SDK1: variants seen among roughly 807,000 people sequenced by gnomAD.
The protein encoded by SDK1 is sidekick cell adhesion molecule 1.
Under a neutral mutation model 245.5 loss-of-function variants are expected in SDK1, and 157 were observed. The observed-to-expected ratio is 0.64, with a 90% CI of 0.56 to 0.73. SDK1 has a LOEUF of 0.73. SDK1 is among the 30% of genes least tolerant of loss of function. The pLI, the probability that SDK1 is intolerant of heterozygous loss-of-function variation, is 0.00. For missense variants in SDK1, 3,583 were observed against 3,002.3 expected (o/e 1.19, Z -4.52); for synonymous variants, 1,647 against 1,278.5 (o/e 1.29, Z -6.15).
At chr7:3,576,470 A>T (rs556774077) in intron 1 of SDK1, among the ~76,000 whole-genome samples, 1 of 152,188 alleles carries the variant, frequency 6.6e-6, no homozygotes, top group Non-Finnish European at 1.5e-5. Flanking sequence ...CCCCGTTTGC[A>T]GTGGTCCAGT....
intron 1 of SDK1, among the ~76,000 whole-genome samples, chr7:3,565,021 G>A (rs1331897639): frequency 6.6e-6 from 1 of 152,058 alleles, no homozygotes; most frequent in Non-Finnish European, 1.5e-5. Context: ...AAGCGTTGGA[G>A]AAGCAGTTTT....
chr7:4,167,302 G>C (rs1781557276), intron 32 of SDK1, among the ~76,000 whole-genome samples: 1 of 152,090 alleles, frequency 6.6e-6, no homozygotes. Context: ...TAGGAGAATT[G>C]CTTGAACCCG....
At chr7:3,552,830 T>C (rs1394174242) in intron 1 of SDK1, among the ~76,000 whole-genome samples, 1 of 152,222 alleles carries the variant, frequency 6.6e-6, no homozygotes, top group African/African-American at 2.4e-5. Context: ...TACTCTGATG[T>C]TCAATAAATT....
chr7:3,773,592 T>C (rs547064103), intron 4 of SDK1, among the ~76,000 whole-genome samples: 14 of 152,310 alleles, frequency 9.2e-5, no homozygotes, highest in African/African-American at 3.4e-4. Context: ...TACTTTCTTA[T>C]TTCTTTGTAT....
Position 4,049,482 on chromosome 7 carries a change from G to A in SDK1, c.2718+19G>A. ...ATACAAGGTACGTGGCCTGGGTTCA[G>A]GGCCTGTGGGCAGCTGTCATTGTCT... On this transcript the variant is annotated intron_variant, in intron 18 of 44. Coordinates refer to ENST00000404826, the MANE Select transcript of SDK1 (RefSeq NM_152744.4). The A allele has an allele frequency of 6.4e-7, 1 of 1,563,524 alleles. No homozygotes were observed. The highest frequency in any genetic ancestry group is 8.8e-7 in the Non-Finnish European group (1 of 1,133,900).
At chr7:3,432,764 A>T (rs544721031) in intron 1 of SDK1, among the ~76,000 whole-genome samples, 1 of 152,152 alleles carries the variant, frequency 6.6e-6, no homozygotes, top group Non-Finnish European at 1.5e-5. Context: ...GTTGCTTTTG[A>T]AAGAGTCAGT....
intron 17 of SDK1, among the ~76,000 whole-genome samples, chr7:4,031,899 C>T (rs143525722): frequency 0.057 from 7,979 of 139,356 alleles, 400 homozygotes; most frequent in African/African-American, 0.13. Context: ...TGGTGGTGCA[C>T]GCCTATAATC....
rs1428796253 is a variant in SDK1 at position 3,782,281 on chromosome 7, A to G, written c.714-39169A>G. On this transcript the variant is annotated intron_variant, in intron 4 of 44. Coordinates refer to ENST00000404826, the MANE Select transcript of SDK1 (RefSeq NM_152744.4). The stretch of plus-strand genomic sequence containing the variant: ...AAGAGGTGATGGGAAAAGGTCTCCA[A>G]CTCCTTCTAACAACCAGATCTTGTG... 2.6e-5 allele frequency among the ~76,000 whole-genome samples: 4 copies of G among 152,064 alleles called. No homozygotes were observed. In the East Asian group the frequency reaches 5.8e-4, roughly 22 times the overall value.
At chr7:3,755,949 TCTGA>T (rs1404759541) in intron 4 of SDK1, among the ~76,000 whole-genome samples, 2 of 151,886 alleles carry the variant, frequency 1.3e-5, no homozygotes, top group African/African-American at 4.8e-5. Context: ...TCGTTTTAAC[TCTGA>T]CTCCTTTCAC....
intron 35 of SDK1, among the ~76,000 whole-genome samples, chr7:4,204,035 A>C (rs1014245636): frequency 6.6e-6 from 1 of 152,176 alleles, no homozygotes; most frequent in Non-Finnish European, 1.5e-5. Flanking sequence ...ACAGGCGGAT[A>C]TCCAAGTCCA....
In SDK1 at chr7:4,265,775, C is replaced by T. The variant is rs780626097; in HGVS notation, c.*391C>T. ...AGGGTCAGGTGAGATCTCAGAGCTG[C>T]CCCGGCCGGCCCCCGTCTCTTTCTA... On this transcript the variant is annotated 3_prime_UTR_variant, in exon 45 of 45. Coordinates refer to ENST00000404826, the MANE Select transcript of SDK1 (RefSeq NM_152744.4). 11 of 1,016,354 alleles carry T rather than the reference C, an allele frequency of 1.1e-5. No homozygotes were observed. Among genetic ancestry groups the T allele is most frequent in the African/African-American group, 3.4e-5 (2 of 58,214 alleles). 63.0% of individuals were successfully genotyped at this position (1,016,354 alleles called of 1,614,324 possible).
intron 44 of SDK1, among the ~76,000 whole-genome samples, chr7:4,250,691 T>C (rs529040230): frequency 6.6e-6 from 1 of 152,248 alleles, no homozygotes; most frequent in Non-Finnish European, 1.5e-5. Flanking sequence ...ACAGGCCAAA[T>C]GTCACAAGGG....
rs1046939173 is a variant in SDK1 at position 4,077,667 on chromosome 7, A to G, written c.3202+478A>G. ...CAAGGAGGAGCAAGTCATGTATTAC[A>G]TGGATGGCAGCAGGCAAAGAGAGAG... On this transcript the variant is annotated intron_variant, in intron 21 of 44. Coordinates refer to ENST00000404826, the MANE Select transcript of SDK1 (RefSeq NM_152744.4). Among the ~76,000 whole-genome samples the G allele has an allele frequency of 5.9e-5, 9 of 152,176 alleles. No homozygotes were observed. The South Asian group carries it at 6.2e-4, about 11-fold the overall frequency.
At position 3,327,692 on chromosome 7, in the gene SDK1, C is replaced by T. The variant is rs1013280088; in HGVS notation, c.298+25808C>T. Among the ~76,000 whole-genome samples, 4 of 152,186 alleles carry T rather than the reference C, an allele frequency of 2.6e-5. No homozygotes were observed. In the East Asian group the frequency reaches 7.7e-4, roughly 29 times the overall value. On this transcript the variant is annotated intron_variant, in intron 1 of 44. Transcript: ENST00000404826. ...CCTGACAGCAGAATGTTTCCTAACTCATTTAGAAGCAAAACTTGACCTGAA... is the reference window on the plus strand; with the variant it reads ...CCTGACAGCAGAATGTTTCCTAACTTATTTAGAAGCAAAACTTGACCTGAA...
chr7:3,961,221 G>C (rs149456454), intron 8 of SDK1, among the ~76,000 whole-genome samples: 96 of 152,336 alleles, frequency 6.3e-4, no homozygotes, highest in African/African-American at 2.3e-3. Flanking sequence ...CCTTATGAAA[G>C]TGACATCATG....
chr7:3,723,943 TAGAG>T (rs542853903), intron 4 of SDK1, among the ~76,000 whole-genome samples: 4,151 of 89,628 alleles, frequency 0.046, 283 homozygotes, highest in Middle Eastern at 0.081. Context: ...TATATATATA[TAGAG>T]AGAGAGAGAG....
rs912746059 is a variant in SDK1 at position 4,220,389 on chromosome 7, G to A, written c.5701+119G>A. ...AGGTGATGTTGGCGGCCAAGAGCTGGCATCAACTCGGGGATGTCTGGGCAA... is the reference window on the plus strand; with the variant it reads ...AGGTGATGTTGGCGGCCAAGAGCTGACATCAACTCGGGGATGTCTGGGCAA... On this transcript the variant is annotated intron_variant, in intron 39 of 44. Transcript: ENST00000404826. 6 of 1,105,478 alleles carry A rather than the reference G, an allele frequency of 5.4e-6. No homozygotes were observed. In the African/African-American group the frequency reaches 7.8e-5, roughly 14 times the overall value. 68.5% of individuals were successfully genotyped at this position (1,105,478 alleles called of 1,614,324 possible).
At chr7:3,900,949 A>C (rs79618476) in intron 5 of SDK1, among the ~76,000 whole-genome samples, 1 of 138,646 alleles carries the variant, frequency 7.2e-6, no homozygotes, top group African/African-American at 2.8e-5. Context: ...TAATTGTAGC[A>C]AAAAAAAAGA....
intron 1 of SDK1, among the ~76,000 whole-genome samples, chr7:3,612,128 T>C (rs1401022040): frequency 6.6e-6 from 1 of 152,118 alleles, no homozygotes; most frequent in Non-Finnish European, 1.5e-5. Context: ...CGACTACACA[T>C]TGGGTACAGT....
Sources: allele counts gnomAD v4.1 joint callset (sites outside exome capture counted in the v4.1 genomes callset), GRCh38; gene constraint gnomAD v4.1.1; transcripts MANE v1.5; gene names NCBI Gene and HGNC (gene_info 2026-07-23, HGNC 2026-07-21).